CCDC18: variants seen among roughly 807,000 people sequenced by gnomAD.
CCDC18 encodes the protein coiled-coil domain-containing protein 18.
Under a neutral mutation model 196.0 loss-of-function variants are expected in CCDC18, and 157 were observed. That is an observed-to-expected ratio of 0.80 (90% CI 0.70 to 0.91). CCDC18 has a LOEUF of 0.91. CCDC18 is among the 40% of genes least tolerant of loss of function. The probability of loss-of-function intolerance (pLI) is 0.00; values close to 1 mark genes in which losing one functional copy is unlikely to be tolerated. For missense variants in CCDC18, 1,465 were observed against 1,611.6 expected (o/e 0.91, Z 1.56); for synonymous variants, 482 against 529.2 (o/e 0.91, Z 1.22).
chr1:93,216,634 A>C lies in CCDC18; in HGVS notation c.1720-2A>C. The stretch of plus-strand genomic sequence containing the variant: ...TTTACATTTATTTCAATGTGTTTTC[A>C]GATGACAAAGAAATGTTCTCAACTT... On this transcript the variant is annotated splice_acceptor_variant, in intron 12 of 28. Coordinates refer to ENST00000690025, the MANE Select transcript of CCDC18 (RefSeq NM_001378204.1). LOFTEE classifies it high-confidence loss of function. 2.8e-6 allele frequency: 4 copies of C among 1,441,066 alleles called. No homozygotes were observed. Among genetic ancestry groups the C allele is most frequent in the South Asian group, 1.3e-5 (1 of 79,106 alleles). 89.3% of individuals were successfully genotyped at this position (1,441,066 alleles called of 1,614,324 possible). A position where few individuals can be genotyped will look rare whatever the true frequency, so the allele number is the denominator to read the frequency against.
intron 17 of CCDC18, among the ~76,000 whole-genome samples, chr1:93,230,639 G>A (rs559784169): frequency 3.3e-5 from 5 of 151,982 alleles, no homozygotes; most frequent in African/African-American, 1.2e-4. Context: ...TGAAATGTCA[G>A]TGACTAGATT....
At chr1:93,266,556 TAAAG>T (rs888226007) in intron 27 of CCDC18, among the ~76,000 whole-genome samples, 9 of 151,598 alleles carry the variant, frequency 5.9e-5, no homozygotes, top group South Asian at 2.1e-4. Flanking sequence ...GCAAGACTAA[TAAAG>T]AAGAAAAGAG....
At chr1:93,238,123 C>T (rs917497290) in intron 19 of CCDC18, among the ~76,000 whole-genome samples, 2 of 152,166 alleles carry the variant, frequency 1.3e-5, no homozygotes, top group African/African-American at 4.8e-5. Context: ...TAATTTTCCC[C>T]TAACTCCTTT....
intron 17 of CCDC18, among the ~76,000 whole-genome samples, chr1:93,228,678 C>CTT (rs35733080): frequency 0.031 from 4,481 of 146,212 alleles, 180 homozygotes; most frequent in African/African-American, 0.096. Flanking sequence ...TAGGAATGTC[C>CTT]TTTTTTTTTT....
At position 93,227,479 on chromosome 1, in the gene CCDC18, T is replaced by C. The variant is rs180764893; in HGVS notation, c.2292+1030T>C. 1.6e-3 allele frequency among the ~76,000 whole-genome samples: 240 copies of C among 152,034 alleles called. 1 individual carries two copies. Among genetic ancestry groups the C allele is most frequent in the Non-Finnish European group, 2.8e-3 (191 of 67,964 alleles). ...CACTGCACCCAGACTTGGAAACTTTTCTTGAACATCTTACTCATCTCTGTA... is the reference window on the plus strand; with the variant it reads ...CACTGCACCCAGACTTGGAAACTTTCCTTGAACATCTTACTCATCTCTGTA... On this transcript the variant is annotated intron_variant, in intron 17 of 28. Coordinates refer to ENST00000690025, the MANE Select transcript of CCDC18 (RefSeq NM_001378204.1).
At chr1:93,195,261 T>A (rs1326496245) in intron 6 of CCDC18, among the ~76,000 whole-genome samples, 1 of 148,858 alleles carries the variant, frequency 6.7e-6, no homozygotes, top group East Asian at 1.9e-4. Flanking sequence ...TAAAAGGGTA[T>A]TATTGCTGAA....
chr1:93,192,221 A>G (rs1651939055), intron 5 of CCDC18, 115 bp downstream of exon 5: 2 of 692,160 alleles, frequency 2.9e-6, no homozygotes, highest in Admixed American at 2.7e-5. Flanking sequence ...AATGGTGTTC[A>G]GCTGTCTTAG....
intron 14 of CCDC18, among the ~76,000 whole-genome samples, chr1:93,221,054 A>G (rs1570420770): frequency 6.6e-6 from 1 of 152,132 alleles, no homozygotes; most frequent in South Asian, 2.1e-4. Context: ...GGTTGATTCC[A>G]TGTCTTTTCT....
At chr1:93,230,826 G>C (rs1659140042) in intron 17 of CCDC18, among the ~76,000 whole-genome samples, 1 of 152,114 alleles carries the variant, frequency 6.6e-6, no homozygotes, top group Non-Finnish European at 1.5e-5. Context: ...TGTCTTGCAG[G>C]CAAGTCAGTT....
rs80074566 is a variant in CCDC18 at position 93,254,983 on chromosome 1, C to G, written c.3342+369C>G. Among the ~76,000 whole-genome samples, 977 of 100,902 alleles carry G rather than the reference C, an allele frequency of 9.7e-3. 62 individuals are homozygous for G. In the East Asian group the frequency reaches 0.2, roughly 21 times the overall value. 66.2% of individuals were successfully genotyped at this position (100,902 alleles called of 152,430 possible). A position where few individuals can be genotyped will look rare whatever the true frequency, so the allele number is the denominator to read the frequency against. ...TTTTTTTTTTTTTGAGACTGAGTCTCTCTCTGTTGCCCAGGCTGGAGTGCA... is the reference window on the plus strand; with the variant it reads ...TTTTTTTTTTTTTGAGACTGAGTCTGTCTCTGTTGCCCAGGCTGGAGTGCA... On this transcript the variant is annotated intron_variant, in intron 24 of 28. Coordinates refer to ENST00000690025, the MANE Select transcript of CCDC18 (RefSeq NM_001378204.1).
chr1:93,236,795 T>A (rs1199399177), intron 19 of CCDC18, among the ~76,000 whole-genome samples: 2 of 152,136 alleles, frequency 1.3e-5, no homozygotes, highest in Non-Finnish European at 2.9e-5. Flanking sequence ...AATGACAATA[T>A]AAAAGTGGTT....
intron 27 of CCDC18, among the ~76,000 whole-genome samples, chr1:93,269,185 C>G (rs1434915023): frequency 6.7e-5 from 10 of 148,460 alleles, no homozygotes; most frequent in Non-Finnish European, 1.5e-4. Flanking sequence ...GACAAAAAAC[C>G]AAACACCGCA....
intron 4 of CCDC18, chr1:93,190,758 G>A (rs987029574): frequency 3.3e-6 from 2 of 599,898 alleles, no homozygotes; most frequent in Non-Finnish European, 3.0e-6. Flanking sequence ...GGGTCACTTG[G>A]CTCTTTCTGC....
chr1:93,259,781 A>C (rs1033512708), intron 26 of CCDC18, among the ~76,000 whole-genome samples: 3 of 152,224 alleles, frequency 2.0e-5, no homozygotes, highest in African/African-American at 7.2e-5. Flanking sequence ...TAATTATATA[A>C]TTGTTATTAA....
Position 93,232,555 on chromosome 1 carries a change from G to A in CCDC18, c.2422G>A (p.Gly808Arg). Reference protein sequence around the residue: ...QMLQQETIRNGELEDTQTKLE... With the variant: ...QMLQQETIRNRELEDTQTKLE... ...GTTACAACAAGAGACAATTAGAAATGGAGAGCTAGAAGATACTCAAACTAA... is the reference window on the plus strand; with the variant it reads ...GTTACAACAAGAGACAATTAGAAATAGAGAGCTAGAAGATACTCAAACTAA... Residue 808 changes from glycine to arginine, a missense_variant, in exon 18 of 29, where the codon GGA (glycine) becomes AGA (arginine). Coordinates refer to ENST00000690025, the MANE Select transcript of CCDC18 (RefSeq NM_001378204.1). 2 of 1,612,082 alleles carry A rather than the reference G, an allele frequency of 1.2e-6. No homozygotes were observed. Among genetic ancestry groups the A allele is most frequent in the Non-Finnish European group, 1.7e-6 (2 of 1,178,908 alleles).
At chr1:93,223,897 T>A (rs866780264) in intron 16 of CCDC18, among the ~76,000 whole-genome samples, 3 of 94,812 alleles carry the variant, frequency 3.2e-5, no homozygotes, top group African/African-American at 8.7e-5. Context: ...TTTCATTTAT[T>A]TATACACACA....
chr1:93,214,121 T>C (rs1656110546), intron 11 of CCDC18, among the ~76,000 whole-genome samples: 1 of 152,160 alleles, frequency 6.6e-6, no homozygotes, highest in Non-Finnish European at 1.5e-5. Context: ...TGAGACAGGA[T>C]CTTGCCATGT....
chr1:93,210,906 A>G lies in CCDC18; in HGVS notation c.1314A>G (p.Lys438=). 3.7e-6 allele frequency: 6 copies of G among 1,613,890 alleles called. No homozygotes were observed. Among genetic ancestry groups the G allele is most frequent in the Non-Finnish European group, 5.1e-6 (6 of 1,179,862 alleles). The stretch of plus-strand genomic sequence containing the variant: ...GCATTGGCTGCTGTGAGGCAAATAA[A>G]TTGGTGATTTCGGAATTGAGGTACA... ...DRCIGCCEAN[K]LVISELRIKL... The change falls in exon 10 of 29, where the codon AAA becomes AAG. Residue 438 remains lysine (K), a synonymous_variant. Transcript: ENST00000690025.
intron 14 of CCDC18, among the ~76,000 whole-genome samples, chr1:93,219,107 T>C (rs1050224521): frequency 6.6e-6 from 1 of 152,250 alleles, no homozygotes; most frequent in African/African-American, 2.4e-5. Context: ...CAATATTTTC[T>C]GGTGCAACAC....
Sources: gnomAD v4.1 joint callset for allele counts (sites outside exome capture counted in the v4.1 genomes callset) on GRCh38, gnomAD v4.1.1 for gene constraint, MANE v1.5 for transcripts, NCBI Gene and HGNC (gene_info 2026-07-23, HGNC 2026-07-21) for gene names.